Variants in SLC24A2 observed in about 807,000 individuals in gnomAD.
SLC24A2 encodes sodium/potassium/calcium exchanger 2.
In SLC24A2, 36 loss-of-function variants were observed where a neutral mutation model predicts 62.0. The ratio of observed to expected loss-of-function variants is 0.58; its 90% CI spans 0.44 to 0.77. The LOEUF is 0.77. Among genes scored for constraint, SLC24A2 ranks in the 30% least tolerant of loss-of-function variants. SLC24A2 has a pLI of 0.00. For synonymous variants in SLC24A2, 358 were observed against 294.0 expected (o/e 1.22, Z -2.23); for missense variants, 846 against 817.9 (o/e 1.03, Z -0.42).
chr9:19,560,712 G>C (rs921330727), intron 7 of SLC24A2, among the ~76,000 whole-genome samples: 1 of 152,134 alleles, frequency 6.6e-6, no homozygotes, highest in Non-Finnish European at 1.5e-5. Flanking sequence ...CCATAAGGAT[G>C]TTTATCTTTT....
the SLC24A2 span, among the ~76,000 whole-genome samples, chr9:20,222,912 G>C: frequency 6.6e-6 from 1 of 151,866 alleles, no homozygotes; most frequent in Non-Finnish European, 1.5e-5. Context: ...CGGTAATGAA[G>C]TCCTAACTTA....
the SLC24A2 span, among the ~76,000 whole-genome samples, chr9:19,940,590 T>G: frequency 6.6e-6 from 1 of 152,274 alleles, no homozygotes. Context: ...AAAAGGCTTG[T>G]GGAATCTGTT....
At chr9:20,057,530 G>C in the SLC24A2 span, among the ~76,000 whole-genome samples, 1 of 152,154 alleles carries the variant, frequency 6.6e-6, no homozygotes, top group African/African-American at 2.4e-5. Flanking sequence ...TGCTTACATG[G>C]AGATAAATAG....
chr9:19,943,331 A>C, the SLC24A2 span, among the ~76,000 whole-genome samples: 1 of 152,144 alleles, frequency 6.6e-6, no homozygotes, highest in African/African-American at 2.4e-5. Flanking sequence ...ACTCACCCCT[A>C]ATTACTTTCT....
the SLC24A2 span, among the ~76,000 whole-genome samples, chr9:20,166,215 G>C: frequency 1.3e-5 from 2 of 151,898 alleles, no homozygotes; most frequent in Non-Finnish European, 2.9e-5. Context: ...GGGGAATTTA[G>C]CAATATCCAA....
the SLC24A2 span, among the ~76,000 whole-genome samples, chr9:20,261,571 C>G: frequency 6.6e-6 from 1 of 152,168 alleles, no homozygotes; most frequent in African/African-American, 2.4e-5. Context: ...CACCACCCAA[C>G]ACTGCTGAAT....
At chr9:19,881,369 TTGA>T in the SLC24A2 span, among the ~76,000 whole-genome samples, 1 of 152,148 alleles carries the variant, frequency 6.6e-6, no homozygotes, top group South Asian at 2.1e-4. Context: ...TCATGTGCTG[TTGA>T]CAGGTTAAAT....
the SLC24A2 span, among the ~76,000 whole-genome samples, chr9:20,032,155 T>A: frequency 0.66 from 100,521 of 152,072 alleles, 34,066 homozygotes; most frequent in East Asian, 0.95. Context: ...ACCCTGGACC[T>A]TTTTAACCGA....
chr9:19,933,422 T>G, the SLC24A2 span, among the ~76,000 whole-genome samples: 1 of 152,190 alleles, frequency 6.6e-6, no homozygotes, highest in African/African-American at 2.4e-5. Context: ...ATAAAATGCT[T>G]TCACACTCAA....
At chr9:20,292,650 G>A in the SLC24A2 span, among the ~76,000 whole-genome samples, 1 of 152,114 alleles carries the variant, frequency 6.6e-6, no homozygotes, top group African/African-American at 2.4e-5. Flanking sequence ...CTGTCACTCA[G>A]GTTGGAGTGC....
the SLC24A2 span, among the ~76,000 whole-genome samples, chr9:19,916,568 T>C: frequency 6.6e-6 from 1 of 152,030 alleles, no homozygotes; most frequent in Admixed American, 6.6e-5. Context: ...TCTAAGTAAA[T>C]AAATAATACA....
At chr9:19,726,442 T>C (rs1821173643) in intron 2 of SLC24A2, among the ~76,000 whole-genome samples, 1 of 152,164 alleles carries the variant, frequency 6.6e-6, no homozygotes, top group Non-Finnish European at 1.5e-5. Flanking sequence ...TTTATTTTAA[T>C]AAGAAAGCAA....
the SLC24A2 span, among the ~76,000 whole-genome samples, chr9:20,226,020 A>G: frequency 0.14 from 21,321 of 152,096 alleles, 1,791 homozygotes; most frequent in African/African-American, 0.23. Context: ...CAGTTTGTCA[A>G]TGAAAACCCT....
chr9:19,589,817 G>C (rs1274503308), intron 5 of SLC24A2, among the ~76,000 whole-genome samples: 2 of 152,146 alleles, frequency 1.3e-5, no homozygotes, highest in African/African-American at 2.4e-5. Context: ...GTAGACTGCA[G>C]ATCAATGTCT....
At chr9:19,749,761 T>A (rs1336026208) in intron 2 of SLC24A2, among the ~76,000 whole-genome samples, 1 of 152,200 alleles carries the variant, frequency 6.6e-6, no homozygotes, top group Admixed American at 6.5e-5. Flanking sequence ...GCATCTCATA[T>A]TTTATCTGGC....
At chr9:19,908,137 A>C in the SLC24A2 span, among the ~76,000 whole-genome samples, 2 of 152,192 alleles carry the variant, frequency 1.3e-5, no homozygotes, top group Non-Finnish European at 2.9e-5. Flanking sequence ...CAAAACAGAG[A>C]TATAGACCAA....
the SLC24A2 span, among the ~76,000 whole-genome samples, chr9:19,903,937 T>C: frequency 0.011 from 1,645 of 152,262 alleles, 11 homozygotes; most frequent in Non-Finnish European, 0.015. Flanking sequence ...AAAAAGCCTC[T>C]CATGCACAAA....
the SLC24A2 span, among the ~76,000 whole-genome samples, chr9:20,223,597 A>C: frequency 6.6e-6 from 1 of 152,200 alleles, no homozygotes; most frequent in East Asian, 1.9e-4. Context: ...GCTTAGCAAT[A>C]AAAGAGTAAG....
the SLC24A2 span, among the ~76,000 whole-genome samples, chr9:20,083,572 G>T: frequency 2.0e-5 from 3 of 152,206 alleles, no homozygotes; most frequent in Admixed American, 1.3e-4. Flanking sequence ...GCAGCGAATT[G>T]CCATTCAGTC....
Sources: gnomAD v4.1 joint callset for allele counts (sites outside exome capture counted in the v4.1 genomes callset) on GRCh38, gnomAD v4.1.1 for gene constraint, MANE v1.5 for transcripts, NCBI Gene and HGNC (gene_info 2026-07-23, HGNC 2026-07-21) for gene names.